Variants in GABRG3 observed in about 807,000 individuals in gnomAD.
GABRG3 encodes gamma-aminobutyric acid type A receptor subunit gamma3, also known as gamma-aminobutyric acid receptor subunit gamma-3.
Under a neutral mutation model 48.8 loss-of-function variants are expected in GABRG3, and 25 were observed. The ratio of observed to expected loss-of-function variants is 0.51; its 90% confidence interval spans 0.37 to 0.72. The LOEUF is 0.72. Among genes scored for constraint, GABRG3 ranks in the 30% least tolerant of loss-of-function variants. The pLI is 0.00. For missense variants in GABRG3, 394 were observed against 577.9 expected (o/e 0.68, Z 3.26); for synonymous variants, 227 against 217.6 (o/e 1.04, Z -0.38).
intron 6 of GABRG3, among the ~76,000 whole-genome samples, chr15:27,481,779 A>G (rs1429066432): frequency 6.6e-6 from 1 of 152,218 alleles, no homozygotes; most frequent in East Asian, 1.9e-4. Context: ...TGACGATGTT[A>G]AATAATGGAA....
intron 3 of GABRG3, among the ~76,000 whole-genome samples, chr15:27,086,869 C>T (rs576301531): frequency 2.2e-4 from 33 of 152,292 alleles, no homozygotes; most frequent in Non-Finnish European, 3.7e-4. Flanking sequence ...GCCTTCAGGT[C>T]GTCCTTGTGG....
intron 2 of GABRG3, among the ~76,000 whole-genome samples, chr15:26,989,345 T>C (rs1018116468): frequency 6.6e-6 from 1 of 152,208 alleles, no homozygotes; most frequent in African/African-American, 2.4e-5. Flanking sequence ...TGTTTTTCAA[T>C]AGTGGATATT....
chr15:27,528,346 T>A (rs1891332817), intron 9 of GABRG3, among the ~76,000 whole-genome samples: 1 of 152,228 alleles, frequency 6.6e-6, no homozygotes, highest in Admixed American at 6.5e-5. Flanking sequence ...TACTTATATG[T>A]ACTTAAGTTT....
chr15:27,201,879 A>G (rs1301519571), intron 3 of GABRG3, among the ~76,000 whole-genome samples: 1 of 152,360 alleles, frequency 6.6e-6, no homozygotes, highest in Non-Finnish European at 1.5e-5. Flanking sequence ...CAGAGAGTAA[A>G]CATGAAGTTA....
chr15:27,388,305 AAAGGGAGGGAGGGAAAAG>A (rs1896083237), intron 5 of GABRG3, among the ~76,000 whole-genome samples: 1 of 43,082 alleles, frequency 2.3e-5, no homozygotes, highest in Non-Finnish European at 4.4e-5. Flanking sequence ...AGAAGGAAGG[AAAGGGAGGGAGGGAAAAG>A]AAGGAAGGAA....
intron 3 of GABRG3, among the ~76,000 whole-genome samples, chr15:27,103,645 A>T (rs886950496): frequency 3.3e-5 from 5 of 152,184 alleles, no homozygotes; most frequent in Non-Finnish European, 7.3e-5. Flanking sequence ...CATGTTACAC[A>T]TCCATTGTAA....
intron 3 of GABRG3, among the ~76,000 whole-genome samples, chr15:27,306,207 A>G (rs1892425630): frequency 7.7e-6 from 1 of 129,944 alleles, no homozygotes; most frequent in Admixed American, 8.4e-5. Flanking sequence ...TATAATATAA[A>G]CATATGTAAT....
intron 5 of GABRG3, among the ~76,000 whole-genome samples, chr15:27,389,896 G>A (rs1190128072): frequency 6.6e-6 from 1 of 152,218 alleles, no homozygotes; most frequent in Non-Finnish European, 1.5e-5. Context: ...AAAACTGCCT[G>A]CAGGGCATAA....
chr15:27,020,635 T>G (rs1053063242), intron 2 of GABRG3, among the ~76,000 whole-genome samples: 18 of 152,094 alleles, frequency 1.2e-4, no homozygotes, highest in Non-Finnish European at 2.9e-5. Flanking sequence ...GCCAGGATGG[T>G]CTCGATCTCC....
At chr15:27,216,779 T>TTTTTAA (rs1566968524) in intron 3 of GABRG3, among the ~76,000 whole-genome samples, 2 of 41,470 alleles carry the variant, frequency 4.8e-5, no homozygotes, top group East Asian at 5.4e-3. Context: ...TATTTTTTAA[T>TTTTTAA]TTTTTTTTTT....
chr15:27,283,467 G>T (rs1208395649), intron 3 of GABRG3, among the ~76,000 whole-genome samples: 2 of 152,288 alleles, frequency 1.3e-5, no homozygotes, highest in African/African-American at 4.8e-5. Context: ...AGCCAGGCTT[G>T]ATGGTGTGTG....
intron 2 of GABRG3, among the ~76,000 whole-genome samples, chr15:27,024,713 C>T (rs1895953777): frequency 6.6e-6 from 1 of 152,160 alleles, no homozygotes; most frequent in African/African-American, 2.4e-5. Flanking sequence ...GCTTCAATTA[C>T]GTTAGCATGA....
chr15:27,307,952 A>T (rs1254666569), intron 3 of GABRG3, among the ~76,000 whole-genome samples: 2 of 136,636 alleles, frequency 1.5e-5, no homozygotes, highest in African/African-American at 5.5e-5. Flanking sequence ...CATATATGTA[A>T]AATAAACATG....
intron 5 of GABRG3, among the ~76,000 whole-genome samples, chr15:27,425,448 C>CAAAAA (rs57986546): frequency 1.4e-4 from 11 of 77,864 alleles, no homozygotes; most frequent in African/African-American, 4.4e-4. Context: ...ACTAAAAATA[C>CAAAAA]AAAAAAAAAA....
intron 5 of GABRG3, among the ~76,000 whole-genome samples, chr15:27,373,669 G>C (rs1895488060): frequency 6.6e-6 from 1 of 152,078 alleles, no homozygotes; most frequent in Non-Finnish European, 1.5e-5. Flanking sequence ...AAATTACTTT[G>C]AAAATCTGAC....
intron 2 of GABRG3, among the ~76,000 whole-genome samples, chr15:27,004,015 GTCCGGGCGGGGGGCTGA>G: frequency 2.7e-5 from 4 of 148,868 alleles, no homozygotes; most frequent in Non-Finnish European, 6.0e-5. Flanking sequence ...CGGGGCGGCT[GTCCGGGCGGGGGGCTGA>G]ACCCCCAACT....
At chr15:27,200,299 TTCTG>T (rs1024923679) in intron 3 of GABRG3, among the ~76,000 whole-genome samples, 1 of 152,210 alleles carries the variant, frequency 6.6e-6, no homozygotes, top group African/African-American at 2.4e-5. Flanking sequence ...ACCCTAAATC[TTCTG>T]TCTATTACAG....
chr15:27,021,320 A>C (rs1378616855), intron 2 of GABRG3, among the ~76,000 whole-genome samples: 1 of 152,200 alleles, frequency 6.6e-6, no homozygotes, highest in Non-Finnish European at 1.5e-5. Context: ...TGCAACATCC[A>C]GGGGTCACCT....
At chr15:26,987,727 GTTGT>G (rs1276320309) in intron 2 of GABRG3, among the ~76,000 whole-genome samples, 1 of 152,112 alleles carries the variant, frequency 6.6e-6, no homozygotes, top group Non-Finnish European at 1.5e-5. Context: ...TGTTTCATGT[GTTGT>G]TTTTCTAGTT....
Sources: allele counts gnomAD v4.1 joint callset (sites outside exome capture counted in the v4.1 genomes callset), GRCh38; gene constraint gnomAD v4.1.1; transcripts MANE v1.5; gene names NCBI Gene and HGNC (gene_info 2026-07-23, HGNC 2026-07-21).